Variants in LSR observed in about 807,000 individuals in gnomAD.
The protein encoded by LSR is lipolysis-stimulated lipoprotein receptor.
A neutral mutation model predicts 61.8 loss-of-function variants in LSR; 44 were observed. The observed-to-expected ratio is 0.71, with a 90% CI of 0.56 to 0.91. The LOEUF is 0.91. Among genes scored for constraint, LSR ranks in the 40% least tolerant of loss-of-function variants. The pLI is 0.00. For synonymous variants in LSR, 397 were observed against 350.6 expected, an observed-to-expected ratio of 1.13 and a Z score of -1.48; for missense variants, 911 against 830.5, an observed-to-expected ratio of 1.10 and a Z score of -1.19.
chr19:35,267,641 CAAG>C lies in LSR; in HGVS notation c.1678_1680del (p.Lys560del). The C allele has an allele frequency of 6.2e-7, 1 of 1,611,318 alleles. No homozygotes were observed. Among genetic ancestry groups the C allele is most frequent in the Non-Finnish European group, 8.5e-7 (1 of 1,179,194 alleles). ...GGTCGGAGGAGAGGAGGAGACCCCA[CAAG>C]GAGGAGGAGGAAGAGGCCTACTACC... On this transcript the variant is annotated inframe_deletion, in exon 9 of 10. Coordinates refer to ENST00000605618, the MANE Select transcript of LSR (RefSeq NM_205834.4).
intron 9 of LSR, 35 bp from the exon 10 acceptor site, chr19:35,267,789 C>T (rs761800897): frequency 1.2e-6 from 2 of 1,613,882 alleles, no homozygotes; most frequent in Non-Finnish European, 8.5e-7. Flanking sequence ...AGCCGGTCCC[C>T]GCGGCTCATA....
At chr19:35,250,192 A>G (rs956750556) in intron 1 of LSR, 123 bp from the exon 2 acceptor site, 11 of 596,304 alleles carry the variant, frequency 1.8e-5, no homozygotes, top group East Asian at 2.9e-5. Flanking sequence ...TTAAGGAACA[A>G]TGTGTGCCAG....
intron 2 of LSR, among the ~76,000 whole-genome samples, chr19:35,257,051 T>C (rs1437081087): frequency 6.6e-6 from 1 of 152,170 alleles, no homozygotes; most frequent in African/African-American, 2.4e-5. Context: ...TTGGCCGGGC[T>C]GGTCTGGAAC....
intron 1 of LSR, 70 bp from the exon 2 acceptor site, chr19:35,250,245 A>T: frequency 1.0e-6 from 1 of 1,000,814 alleles, no homozygotes; most frequent in South Asian, 1.7e-5. Flanking sequence ...AGCTGGTGAC[A>T]GGTGGCGTTC....
At chr19:35,259,771 C>T (rs751256643) in intron 3 of LSR, among the ~76,000 whole-genome samples, 82 of 152,360 alleles carry the variant, frequency 5.4e-4, no homozygotes, top group Middle Eastern at 3.4e-3. Context: ...CAAAGCACAG[C>T]GGTTTTGCCG....
In LSR at chr19:35,262,536, C is replaced by T. The variant is rs1319719400; in HGVS notation, c.632-10C>T. The T allele has an allele frequency of 6.2e-7, 1 of 1,614,082 alleles. No homozygotes were observed. Among genetic ancestry groups the T allele is most frequent in the Non-Finnish European group, 8.5e-7 (1 of 1,180,036 alleles). On this transcript the variant is annotated splice_polypyrimidine_tract_variant and intron_variant, in intron 4 of 9. Transcript: ENST00000605618. ...GGCCTCCGGGCTCAGGGCCTGTTGT[C>T]TTTCTGCAGACTGGCTCTTCGTGGT...
intron 3 of LSR, among the ~76,000 whole-genome samples, chr19:35,261,418 C>T (rs2065927243): frequency 6.6e-6 from 1 of 152,182 alleles, no homozygotes; most frequent in Admixed American, 6.5e-5. Context: ...TGACACATGC[C>T]TGTAGCCCTA....
chr19:35,267,628 G>A lies in LSR; in HGVS notation c.1664G>A (p.Arg555Lys), dbSNP rs756265604. 3 of 1,612,184 alleles carry A rather than the reference G, an allele frequency of 1.9e-6. No homozygotes were observed. In the South Asian group the frequency reaches 3.3e-5, roughly 18 times the overall value. ...EAVRKKGSEERRRPHKEEEEE... is the reference protein window; with the variant it reads ...EAVRKKGSEEKRRPHKEEEEE... The stretch of plus-strand genomic sequence containing the variant: ...GTGAGGAAGAAGGGGTCGGAGGAGA[G>A]GAGGAGACCCCACAAGGAGGAGGAG... The change falls in exon 9 of 10, where the codon AGG (arginine) becomes AAG (lysine). Residue 555 changes from arginine to lysine, a missense_variant. By Grantham distance (26) the Arg-to-Lys change is conservative. Coordinates refer to ENST00000605618, the MANE Select transcript of LSR (RefSeq NM_205834.4).
At chr19:35,251,164 T>G (rs1297465110) in intron 2 of LSR, among the ~76,000 whole-genome samples, 1 of 152,162 alleles carries the variant, frequency 6.6e-6, no homozygotes, top group Non-Finnish European at 1.5e-5. Flanking sequence ...ATTTTTTGAG[T>G]ACCTGTCATA....
intron 1 of LSR, 35 bp downstream of exon 1, chr19:35,249,166 C>G (rs10412357): frequency 0.25 from 372,986 of 1,513,618 alleles, 46,627 homozygotes; most frequent in East Asian, 0.3. Flanking sequence ...CTGCGGAACG[C>G]CGGAGGGAAC....
rs369712187 is a variant in LSR at position 35,266,935 on chromosome 19, G to T, written c.1112G>T (p.Arg371Leu). Residue 371 changes from arginine to leucine, a missense_variant, in exon 8 of 10, where the codon CGA becomes CTA. Physicochemically the swap from Arg to Leu is moderately radical, Grantham distance 102 (BLOSUM62 -2). Coordinates refer to ENST00000605618, the MANE Select transcript of LSR (RefSeq NM_205834.4). Reference sequence around the variant, plus strand: ...GAGCTGGCCAACTTCGACCCTTCTCGACCTGGCCCCCCCAGTGGCCGTGTG... The same window carrying T: ...GAGCTGGCCAACTTCGACCCTTCTCTACCTGGCCCCCCCAGTGGCCGTGTG... Reference protein sequence around the residue: ...EKELANFDPSRPGPPSGRVER... With the variant: ...EKELANFDPSLPGPPSGRVER... The T allele has an allele frequency of 2.5e-6, 4 of 1,613,704 alleles. No individual in the cohort carries two copies. The highest frequency in any genetic ancestry group is 3.3e-4 in the Middle Eastern group (2 of 6,034).
Position 35,266,942 on chromosome 19 carries a change from C to T in LSR, c.1119C>T (p.Gly373=), listed in dbSNP as rs776874206. Residue 373 remains glycine, a synonymous_variant, in exon 8 of 10, where the codon GGC becomes GGT. Coordinates refer to ENST00000605618, the MANE Select transcript of LSR (RefSeq NM_205834.4). ...CCAACTTCGACCCTTCTCGACCTGG[C>T]CCCCCCAGTGGCCGTGTGGAGCGGG... ...ELANFDPSRP[G]PPSGRVERAM... is the part of the protein sequence containing the mutation. 26 of 1,612,080 alleles carry T rather than the reference C, an allele frequency of 1.6e-5. No homozygotes were observed. The highest frequency in any genetic ancestry group is 5.3e-5 in the African/African-American group (4 of 74,836).
chr19:35,259,151 C>G, intron 3 of LSR, 87 bp downstream of exon 3: 1 of 1,511,250 alleles, frequency 6.6e-7, no homozygotes, highest in Non-Finnish European at 8.9e-7. Flanking sequence ...GCCCTCTGCC[C>G]TCCAGCTTAC....
rs778956338 is a variant in LSR, at chr19:35,266,674, C to G, written c.953-5C>G. ...GCGCGGCCACTGACAGCCACTCTCC[C>G]CCAGCTGGTGGCCAAGGCTCCTATG... On this transcript the variant is annotated splice_polypyrimidine_tract_variant and splice_region_variant and intron_variant, in intron 6 of 9. Coordinates refer to ENST00000605618, the MANE Select transcript of LSR (RefSeq NM_205834.4). 1 of 1,606,908 alleles carries G rather than the reference C, an allele frequency of 6.2e-7. No homozygotes were observed. Among genetic ancestry groups the G allele is most frequent in the African/African-American group, 1.3e-5 (1 of 74,982 alleles).
chr19:35,264,964 TC>T (rs1436691214), intron 5 of LSR, among the ~76,000 whole-genome samples: 1 of 152,152 alleles, frequency 6.6e-6, no homozygotes, highest in Non-Finnish European at 1.5e-5. Flanking sequence ...GAAGCAGCCT[TC>T]CCTCTCTGAG....
intron 2 of LSR, among the ~76,000 whole-genome samples, chr19:35,250,952 C>G (rs973494857): frequency 6.6e-6 from 1 of 152,010 alleles, no homozygotes; most frequent in Admixed American, 6.5e-5. Context: ...CGTGCCACCA[C>G]GCCCAGTTAA....
intron 2 of LSR, chr19:35,251,441 G>A (rs1165581116): frequency 6.6e-6 from 1 of 152,212 alleles, no homozygotes; most frequent in Non-Finnish European, 1.5e-5. Context: ...GGTTCCCAAG[G>A]ATTAACTCAG....
At chr19:35,262,904 C>G in intron 5 of LSR, 1 of 593,820 alleles carries the variant, frequency 1.7e-6, no homozygotes, top group Non-Finnish European at 2.9e-6. Flanking sequence ...TTGTTCTTTT[C>G]TTTTGTAAGT....
At chr19:35,253,635 G>A (rs1446311848) in intron 2 of LSR, 2 of 152,326 alleles carry the variant, frequency 1.3e-5, no homozygotes, top group East Asian at 1.9e-4. Context: ...CAGGGGCTGA[G>A]CCTATGTCAG....
Sources: gnomAD v4.1 joint callset for allele counts (sites outside exome capture counted in the v4.1 genomes callset) on GRCh38, gnomAD v4.1.1 for gene constraint, MANE v1.5 for transcripts, NCBI Gene and HGNC (gene_info 2026-07-23, HGNC 2026-07-21) for gene names.